Variants in PCMTD1 observed in about 807,000 individuals in gnomAD.
The protein encoded by PCMTD1 is protein-L-isoaspartate (D-aspartate) O-methyltransferase domain containing 1, also known as protein-L-isoaspartate O-methyltransferase domain-containing protein 1.
PCMTD1 carries 12 observed loss-of-function variants against 37.6 expected under a neutral mutation model. The ratio of observed to expected loss-of-function variants is 0.32; its 90% confidence interval spans 0.20 to 0.52. The LOEUF (loss-of-function observed/expected upper bound fraction) is 0.52, where lower values mean the gene tolerates loss of function less well. Ranked by LOEUF, PCMTD1 falls within the 20% of genes least tolerant of loss-of-function variation. PCMTD1 has a pLI of 0.97. For missense variants in PCMTD1, 235 were observed against 421.3 expected (o/e 0.56, Z 3.87); for synonymous variants, 117 against 135.8 (o/e 0.86, Z 0.96).
intron 1 of PCMTD1, among the ~76,000 whole-genome samples, chr8:51,863,481 T>C (rs2038504775): frequency 1.3e-5 from 2 of 152,184 alleles, no homozygotes; most frequent in Admixed American, 1.3e-4. Flanking sequence ...TTGTAGCTCA[T>C]TAAAAATTAC....
intron 1 of PCMTD1, among the ~76,000 whole-genome samples, chr8:51,892,153 T>C (rs2037138): frequency 0.12 from 17,880 of 152,228 alleles, 1,288 homozygotes; most frequent in East Asian, 0.17. Context: ...AAAAGATTAA[T>C]AACCACATAC....
intron 2 of PCMTD1, among the ~76,000 whole-genome samples, chr8:51,855,804 C>A (rs965004455): frequency 2.0e-5 from 3 of 151,960 alleles, no homozygotes; most frequent in African/African-American, 4.8e-5. Context: ...CAACTACAGG[C>A]GCCTGCCACC....
intron 2 of PCMTD1, among the ~76,000 whole-genome samples, chr8:51,858,302 A>G (rs1585822719): frequency 1.7e-5 from 1 of 59,974 alleles, no homozygotes; most frequent in Non-Finnish European, 3.3e-5. Context: ...TGTAGTACCC[A>G]TAGGACCCAC....
chr8:51,895,677 A>AC (rs1196215494), intron 1 of PCMTD1, among the ~76,000 whole-genome samples: 1 of 151,990 alleles, frequency 6.6e-6, no homozygotes, highest in Non-Finnish European at 1.5e-5. Flanking sequence ...CAGCTGAAAA[A>AC]ATCTTACCAT....
chr8:51,871,793 T>C (rs2038642992), intron 1 of PCMTD1, among the ~76,000 whole-genome samples: 1 of 152,226 alleles, frequency 6.6e-6, no homozygotes, highest in Non-Finnish European at 1.5e-5. Context: ...TCCCAACGGC[T>C]ACAGCAAAGT....
chr8:51,847,925 A>AC (rs77401152), intron 2 of PCMTD1, among the ~76,000 whole-genome samples: 104,320 of 151,766 alleles, frequency 0.69, 42,292 homozygotes, highest in Non-Finnish European at 0.9. Context: ...AATAAACTAA[A>AC]AAAAAAGTAG....
At chr8:51,865,260 A>G (rs764648685) in intron 1 of PCMTD1, among the ~76,000 whole-genome samples, 17 of 152,082 alleles carry the variant, frequency 1.1e-4, no homozygotes, top group Non-Finnish European at 2.1e-4. Flanking sequence ...TTAAAGAACT[A>G]ATACCAATTC....
At chr8:51,847,072 T>C (rs1309555268) in intron 2 of PCMTD1, among the ~76,000 whole-genome samples, 3 of 152,218 alleles carry the variant, frequency 2.0e-5, no homozygotes, top group African/African-American at 7.2e-5. Flanking sequence ...TTTCCTTCCT[T>C]ATGAACTCTT....
intron 1 of PCMTD1, among the ~76,000 whole-genome samples, chr8:51,890,137 T>C (rs943322713): frequency 3.9e-5 from 6 of 152,136 alleles, no homozygotes; most frequent in Non-Finnish European, 8.8e-5. Context: ...TCACAGATAT[T>C]TATATAGATC....
intron 1 of PCMTD1, among the ~76,000 whole-genome samples, chr8:51,897,862 C>T (rs1167015575): frequency 1.3e-5 from 2 of 152,016 alleles, no homozygotes; most frequent in African/African-American, 4.8e-5. Context: ...ATCCATGATG[C>T]ATTGTTGGCT....
At chr8:51,846,320 T>G (rs541103849) in intron 2 of PCMTD1, among the ~76,000 whole-genome samples, 1 of 152,250 alleles carries the variant, frequency 6.6e-6, no homozygotes, top group South Asian at 2.1e-4. Context: ...TCTTTTACAC[T>G]TCTCACTTAG....
At chr8:51,880,631 A>G (rs1043546862) in intron 1 of PCMTD1, among the ~76,000 whole-genome samples, 2 of 152,152 alleles carry the variant, frequency 1.3e-5, no homozygotes, top group Non-Finnish European at 2.9e-5. Context: ...CTGAGGACTT[A>G]TATCACCCAA....
intron 1 of PCMTD1, among the ~76,000 whole-genome samples, chr8:51,882,203 G>C (rs933564897): frequency 2.0e-5 from 3 of 152,150 alleles, no homozygotes; most frequent in Admixed American, 6.5e-5. Context: ...CTTGCCGATG[G>C]TCACCATCTT....
chr8:51,848,183 T>G (rs571598310), intron 2 of PCMTD1, among the ~76,000 whole-genome samples: 1 of 152,100 alleles, frequency 6.6e-6, no homozygotes, highest in Admixed American at 6.6e-5. Flanking sequence ...AGATAGGAGT[T>G]CAATTGAAAA....
chr8:51,839,932 TCA>T (rs1358599022), intron 3 of PCMTD1, among the ~76,000 whole-genome samples: 2 of 152,210 alleles, frequency 1.3e-5, no homozygotes, highest in African/African-American at 4.8e-5. Context: ...AAATAAAACT[TCA>T]GACTTTTCCA....
chr8:51,836,569 A>G (rs2038069919), intron 3 of PCMTD1, among the ~76,000 whole-genome samples: 2 of 152,226 alleles, frequency 1.3e-5, no homozygotes, highest in South Asian at 4.1e-4. Flanking sequence ...CATTTATTAA[A>G]TAAATGAACT....
upstream of PCMTD1, chr8:51,899,145 C>G (rs866489423): frequency 7.4e-7 from 1 of 1,355,518 alleles, no homozygotes; most frequent in African/African-American, 1.5e-5. Flanking sequence ...GGCAGCTCCC[C>G]GCGGACGCCA....
intron 1 of PCMTD1, among the ~76,000 whole-genome samples, chr8:51,889,994 C>A (rs2038915286): frequency 1.8e-5 from 2 of 108,922 alleles, no homozygotes; most frequent in African/African-American, 4.9e-5. Flanking sequence ...TGAACAAGTC[C>A]TTAACAAAAA....
intron 1 of PCMTD1, among the ~76,000 whole-genome samples, chr8:51,873,266 C>T (rs1364590877): frequency 6.6e-6 from 1 of 152,086 alleles, no homozygotes; most frequent in Admixed American, 6.5e-5. Flanking sequence ...TTCTGGATTT[C>T]CCATACAATA....
Sources: gnomAD v4.1 joint callset for allele counts (sites outside exome capture counted in the v4.1 genomes callset) on GRCh38, gnomAD v4.1.1 for gene constraint, MANE v1.5 for transcripts, NCBI Gene and HGNC (gene_info 2026-07-23, HGNC 2026-07-21) for gene names.